The following ABHD2 variants were observed in gnomAD, a reference collection of about 807,000 sequenced individuals.
ABHD2 encodes abhydrolase domain containing 2, acylglycerol lipase, also known as monoacylglycerol lipase ABHD2.
A neutral mutation model predicts 48.1 loss-of-function variants in ABHD2; 20 were observed. The observed-to-expected ratio is 0.42, with a 90% CI of 0.29 to 0.60. The LOEUF (loss-of-function observed/expected upper bound fraction) is 0.60, where lower values mean the gene tolerates loss of function less well. ABHD2 is among the 20% of genes least tolerant of loss of function. The pLI, the probability that ABHD2 is intolerant of heterozygous loss-of-function variation, is 0.24. For missense variants in ABHD2, 405 were observed against 550.9 expected, an observed-to-expected ratio of 0.74 and a Z score of 2.65; for synonymous variants, 209 against 214.2, an observed-to-expected ratio of 0.98 and a Z score of 0.21.
the ABHD2 span, among the ~76,000 whole-genome samples, chr15:89,047,631 G>A: frequency 6.6e-6 from 1 of 151,072 alleles, no homozygotes; most frequent in Non-Finnish European, 1.5e-5. Context: ...TTGTTGAATT[G>A]ATCCCTTTAC....
the ABHD2 span, among the ~76,000 whole-genome samples, chr15:89,077,349 A>T: frequency 6.6e-6 from 1 of 152,226 alleles, no homozygotes; most frequent in Non-Finnish European, 1.5e-5. Context: ...TATTCCATTG[A>T]ATATGAATGT....
the ABHD2 span, among the ~76,000 whole-genome samples, chr15:89,062,011 C>T: frequency 6.6e-6 from 1 of 152,148 alleles, no homozygotes; most frequent in African/African-American, 2.4e-5. Flanking sequence ...ACTGAGCTTG[C>T]AGTGAGGGAA....
chr15:89,076,782 CTACGGTT>C, the ABHD2 span, among the ~76,000 whole-genome samples: 1 of 152,210 alleles, frequency 6.6e-6, no homozygotes, highest in Non-Finnish European at 1.5e-5. Context: ...TAATACCCAG[CTACGGTT>C]TGTTTTCATT....
At chr15:89,160,766 C>T (rs2050750764) in intron 5 of ABHD2, among the ~76,000 whole-genome samples, 1 of 152,090 alleles carries the variant, frequency 6.6e-6, no homozygotes, top group African/African-American at 2.4e-5. Context: ...GAGTGTGGCT[C>T]TTGAAGCTTC....
At chr15:89,131,416 C>G (rs572817719) in intron 3 of ABHD2, among the ~76,000 whole-genome samples, 2 of 152,160 alleles carry the variant, frequency 1.3e-5, no homozygotes, top group African/African-American at 2.4e-5. Flanking sequence ...TGGTTCTCTT[C>G]TCTGTTGTCT....
Position 89,189,111 on chromosome 15 carries a change from T to A in ABHD2, c.926+808T>A, listed in dbSNP as rs1699201518. ...TTTCCTGGTTCCAGTAGTTTCTGAT[T>A]GAGGTTAGCCTCAGCTGAAAAAGGA... On this transcript the variant is annotated intron_variant, in intron 8 of 10. Coordinates refer to ENST00000352732, the MANE Select transcript of ABHD2 (RefSeq NM_152924.5). This position sits in a 1 kb window ranked among gnomAD's most constrained non-coding sequence, Gnocchi z 4.9. Among the ~76,000 whole-genome samples, 1 of 152,190 alleles carries A rather than the reference T, an allele frequency of 6.6e-6. No individual in the cohort carries two copies. Among genetic ancestry groups the A allele is most frequent in the African/African-American group, 2.4e-5 (1 of 41,460 alleles).
Position 89,201,008 on chromosome 15 carries a change from G to C in ABHD2, c.*5585G>C, listed in dbSNP as rs765360866. The C allele has an allele frequency of 1.8e-5, 10 of 565,152 alleles. No individual in the cohort carries two copies. Among genetic ancestry groups the C allele is most frequent in the Non-Finnish European group, 2.8e-5 (9 of 319,988 alleles). 35.0% of individuals were successfully genotyped at this position (565,152 alleles called of 1,614,324 possible). A position where few individuals can be genotyped will look rare whatever the true frequency, so the allele number is the denominator to read the frequency against. On this transcript the variant is annotated 3_prime_UTR_variant, in exon 11 of 11. Transcript: ENST00000352732. Reference sequence around the variant, plus strand: ...GAGGTGGGAGAATTGCTTGAACCCAGGAGACGGAGGTTGCAGTGAGCCGAG... The same window carrying C: ...GAGGTGGGAGAATTGCTTGAACCCACGAGACGGAGGTTGCAGTGAGCCGAG...
intron 3 of ABHD2, among the ~76,000 whole-genome samples, chr15:89,131,251 G>C (rs1473390845): frequency 1.3e-5 from 2 of 152,154 alleles, no homozygotes; most frequent in Non-Finnish European, 2.9e-5. Context: ...AGACACATCA[G>C]ATCTCTCCAC....
rs190228481 is a variant in ABHD2 at position 89,174,160 on chromosome 15, A to C, written c.539-1652A>C. The stretch of plus-strand genomic sequence containing the variant: ...TATACCCCATTAAAAATAAAAAAGA[A>C]TAGGGCAGTTTCAAGTGTATTGATG... On this transcript the variant is annotated intron_variant, in intron 5 of 10. Transcript: ENST00000352732. This position sits in a 1 kb window ranked among gnomAD's most constrained non-coding sequence, Gnocchi z 4.1. Among the ~76,000 whole-genome samples the C allele has an allele frequency of 9.4e-4, 143 of 152,264 alleles. No individual in the cohort carries two copies. The highest frequency in any genetic ancestry group is 3.4e-3 in the Middle Eastern group (1 of 294).
chr15:89,153,729 G>T (rs1010676878), intron 4 of ABHD2, among the ~76,000 whole-genome samples: 5 of 152,012 alleles, frequency 3.3e-5, no homozygotes, highest in African/African-American at 1.2e-4. Flanking sequence ...TAGAAAATAT[G>T]AATAATACAT....
At chr15:89,127,109 G>C (rs887388466) in intron 3 of ABHD2, among the ~76,000 whole-genome samples, 2 of 152,146 alleles carry the variant, frequency 1.3e-5, no homozygotes, top group African/African-American at 4.8e-5. Context: ...CAAGGGCCGG[G>C]TACTCCTCAG....
At chr15:89,087,671 C>T (rs1901407919), upstream of ABHD2, 1 of 152,242 alleles carries the variant, frequency 6.6e-6, no homozygotes, top group African/African-American at 2.4e-5. The surrounding 1 kb of genome is among the most constrained non-coding windows in gnomAD (Gnocchi z 5.5). Flanking sequence ...GGTTAAGTGA[C>T]TTGCCCAAGC....
rs1342469720 is a variant in ABHD2 at position 89,135,759 on chromosome 15, C to T, written c.195-15918C>T. The T allele has an allele frequency of 8.4e-6, 8 of 954,108 alleles. No individual in the cohort carries two copies. In the East Asian group the frequency reaches 9.5e-5, roughly 11 times the overall value. The allele number at this position is 954,108 out of a possible 1,614,324, so 59.1% of individuals were successfully genotyped here. On this transcript the variant is annotated intron_variant, in intron 3 of 10. Transcript: ENST00000352732. ...TTTTTATAAGGCTGCCTGTCATCTG[C>T]AGCAATGTTATTCCACATCTCTCCC...
chr15:89,174,700 G>T lies in ABHD2; in HGVS notation c.539-1112G>T, dbSNP rs77141888. On this transcript the variant is annotated intron_variant, in intron 5 of 10. Transcript: ENST00000352732. The surrounding 1 kb of genome is among the most constrained non-coding windows in gnomAD (Gnocchi z 4.1). Reference sequence around the variant, plus strand: ...TACTCTTCTCATGCCAGTCTATTTTGTATGTGCTTTGCGTCGACATCCCTA... The same window carrying T: ...TACTCTTCTCATGCCAGTCTATTTTTTATGTGCTTTGCGTCGACATCCCTA... Among the ~76,000 whole-genome samples the T allele has an allele frequency of 1.1e-4, 17 of 152,296 alleles. No homozygotes were observed. In the East Asian group the frequency reaches 2.5e-3, roughly 22 times the overall value.
At chr15:89,183,392 T>A (rs1264338412) in intron 6 of ABHD2, 68 of 90,602 alleles carry the variant, frequency 7.5e-4, no homozygotes, top group African/African-American at 1.7e-3. Context: ...AAAATATATA[T>A]ATATATATAT....
chr15:89,121,278 T>A (rs1489271489), intron 3 of ABHD2, among the ~76,000 whole-genome samples: 1 of 152,164 alleles, frequency 6.6e-6, no homozygotes, highest in Non-Finnish European at 1.5e-5. Context: ...AGCACGGACA[T>A]CTTCTGATTC....
intron 5 of ABHD2, among the ~76,000 whole-genome samples, chr15:89,165,180 C>T (rs1347272096): frequency 6.6e-6 from 1 of 152,184 alleles, no homozygotes; most frequent in African/African-American, 2.4e-5. Flanking sequence ...CTGTTTGGGC[C>T]ACACGCCTCC....
chr15:89,158,932 G>A (rs1238950743), intron 5 of ABHD2, among the ~76,000 whole-genome samples: 1 of 151,736 alleles, frequency 6.6e-6, no homozygotes, highest in African/African-American at 2.4e-5. Context: ...CCAAAGTGCT[G>A]GGATTACAGA....
intron 3 of ABHD2, among the ~76,000 whole-genome samples, chr15:89,138,029 C>G (rs921679928): frequency 3.9e-5 from 6 of 152,214 alleles, no homozygotes; most frequent in Non-Finnish European, 4.4e-5. Flanking sequence ...CTGCTGGCTT[C>G]AGGTCCACCA....
Sources: allele counts gnomAD v4.1 joint callset (sites outside exome capture counted in the v4.1 genomes callset), GRCh38; gene constraint gnomAD v4.1.1; non-coding constraint Gnocchi (gnomAD v3.1); transcripts MANE v1.5; gene names NCBI Gene and HGNC (gene_info 2026-07-23, HGNC 2026-07-21).